The following METTL22 variants were observed in gnomAD, a reference collection of about 807,000 sequenced individuals.
METTL22 encodes the protein methyltransferase-like protein 22.
A neutral mutation model predicts 48.4 loss-of-function variants in METTL22; 51 were observed. The ratio of observed to expected loss-of-function variants is 1.05; its 90% CI spans 0.84 to 1.33. METTL22 has a LOEUF of 1.33. METTL22 is among the 40% of genes most tolerant of loss of function. The pLI, the probability that METTL22 is intolerant of heterozygous loss-of-function variation, is 0.00. For missense variants in METTL22, 678 were observed against 526.9 expected, an observed-to-expected ratio of 1.29 and a Z score of -2.81; for synonymous variants, 255 against 214.1, an observed-to-expected ratio of 1.19 and a Z score of -1.67.
rs1288304715 is a variant in METTL22 at position 8,635,172 on chromosome 16, G to A, written c.560G>A (p.Trp187Ter). ...TCCTTGTCCTCTTCCCTCCAGGTGTGGCGGGGCGCCCTGCTCCTGGCAGAC... is the reference window on the plus strand; with the variant it reads ...TCCTTGTCCTCTTCCCTCCAGGTGTAGCGGGGCGCCCTGCTCCTGGCAGAC... ...TPLEDVGKQVWRGALLLADYI... is the reference protein window; with the variant it reads ...TPLEDVGKQV Residue 187 changes from tryptophan to a stop codon, truncating the protein, a stop_gained, in exon 5 of 11, where the codon TGG (tryptophan) becomes TAG (stop). Coordinates refer to ENST00000381920, the MANE Select transcript of METTL22 (RefSeq NM_024109.4). LOFTEE classifies it high-confidence loss of function. The A allele has an allele frequency of 6.2e-7, 1 of 1,611,794 alleles. No homozygotes were observed. The highest frequency in any genetic ancestry group is 8.5e-7 in the Non-Finnish European group (1 of 1,178,706).
At chr16:8,642,759 G>A (rs2056663901) in intron 9 of METTL22, 194 bp downstream of exon 9, 4 of 630,092 alleles carry the variant, frequency 6.3e-6, no homozygotes, top group African/African-American at 3.6e-5. Flanking sequence ...CTGTGTGCAG[G>A]CGCTGCTGTC....
chr16:8,628,916 C>G lies in METTL22; in HGVS notation c.320C>G (p.Thr107Ser). 5 of 1,614,070 alleles carry G rather than the reference C, an allele frequency of 3.1e-6. No homozygotes were observed. The highest frequency in any genetic ancestry group is 4.2e-6 in the Non-Finnish European group (5 of 1,180,036). ...GFSLQAGTDT[T>S]GQEVAEAQLD... Reference sequence around the variant, plus strand: ...TCCCTCCAGGCCGGGACTGACACCACTGGCCAGGAAGTGGCTGAAGCTCAG... The same window carrying G: ...TCCCTCCAGGCCGGGACTGACACCAGTGGCCAGGAAGTGGCTGAAGCTCAG... Residue 107 changes from threonine (T) to serine (S), a missense_variant, in exon 3 of 11, where the codon ACT (threonine) becomes AGT (serine). Thr to Ser is a moderately conservative substitution (Grantham distance 58). Coordinates refer to ENST00000381920, the MANE Select transcript of METTL22 (RefSeq NM_024109.4).
chr16:8,642,262 T>C lies in METTL22; in HGVS notation c.907+55T>C, dbSNP rs144663731. 2.5e-3 allele frequency: 3,782 copies of C among 1,492,790 alleles called. 95 individuals are homozygous for C. The African/African-American group carries it at 0.046, about 18-fold the overall frequency. 92.5% of individuals were successfully genotyped at this position (1,492,790 alleles called of 1,614,324 possible). A position where few individuals can be genotyped will look rare whatever the true frequency, so the allele number is the denominator to read the frequency against. On this transcript the variant is annotated intron_variant, in intron 8 of 10. Transcript: ENST00000381920. The stretch of plus-strand genomic sequence containing the variant: ...TCCTTTGTTGTAGCATGAAGTCAAG[T>C]GCAGTCTCTCCTCACTTCCCCCGGG...
At chr16:8,631,089 G>C (rs2056244464) in intron 3 of METTL22, among the ~76,000 whole-genome samples, 1 of 152,194 alleles carries the variant, frequency 6.6e-6, no homozygotes, top group South Asian at 2.1e-4. Context: ...GCCAGGAGCA[G>C]GGCCTGGCGC....
the METTL22 span, among the ~76,000 whole-genome samples, chr16:8,661,817 C>A: frequency 1.4e-5 from 2 of 144,400 alleles, no homozygotes; most frequent in Non-Finnish European, 3.0e-5. Context: ...AAGCAATCCT[C>A]CCACTTTGGC....
At chr16:8,653,124 C>T (rs2056922594), downstream of METTL22, among the ~76,000 whole-genome samples, 1 of 152,162 alleles carries the variant, frequency 6.6e-6, no homozygotes, top group African/African-American at 2.4e-5. Context: ...GGGAGGCCTT[C>T]CAGACTGTGC....
At chr16:8,638,287 ATG>A (rs2056485779) in intron 5 of METTL22, among the ~76,000 whole-genome samples, 1 of 152,164 alleles carries the variant, frequency 6.6e-6, no homozygotes, top group Admixed American at 6.5e-5. Flanking sequence ...TGGGGTGCAG[ATG>A]TTAGTCCCAG....
At chr16:8,629,446 A>C (rs556752524) in intron 3 of METTL22, among the ~76,000 whole-genome samples, 1 of 152,138 alleles carries the variant, frequency 6.6e-6, no homozygotes, top group African/African-American at 2.4e-5. Flanking sequence ...GCTGCCTCCC[A>C]CATCTGTGCT....
At chr16:8,622,463 G>T (rs1254697246) in intron 1 of METTL22, among the ~76,000 whole-genome samples, 2 of 152,132 alleles carry the variant, frequency 1.3e-5, no homozygotes, top group Non-Finnish European at 2.9e-5. Flanking sequence ...GCCCTATGGA[G>T]AGGTGGTGGG....
chr16:8,665,698 C>G, the METTL22 span, among the ~76,000 whole-genome samples: 2 of 152,218 alleles, frequency 1.3e-5, no homozygotes, highest in African/African-American at 4.8e-5. Context: ...CTGAGCCCTG[C>G]TGTGTGCCAG....
chr16:8,662,011 A>C, the METTL22 span, among the ~76,000 whole-genome samples: 1 of 145,742 alleles, frequency 6.9e-6, no homozygotes, highest in African/African-American at 2.6e-5. Context: ...TGAGAGACAG[A>C]GGTGGGAAGA....
chr16:8,650,193 A>G (rs2056874098), downstream of METTL22, among the ~76,000 whole-genome samples: 1 of 152,172 alleles, frequency 6.6e-6, no homozygotes, highest in Non-Finnish European at 1.5e-5. Flanking sequence ...CAGGTGTGTC[A>G]TGCACCTGTA....
At chr16:8,658,578 T>A in the METTL22 span, among the ~76,000 whole-genome samples, 1 of 152,206 alleles carries the variant, frequency 6.6e-6, no homozygotes, top group African/African-American at 2.4e-5. Context: ...ATGCCTCATA[T>A]CCTCAGGTGA....
At position 8,649,289 on chromosome 16, in the gene METTL22, G is replaced by T. The variant is rs1287103863; in HGVS notation, c.*3146G>T. Reference sequence around the variant, plus strand: ...TTTTCATTTCCCAGAGTGGGAGCGCGCCCCCATTGCCATGTTTTATGGCCT... The same window carrying T: ...TTTTCATTTCCCAGAGTGGGAGCGCTCCCCCATTGCCATGTTTTATGGCCT... On this transcript the variant is annotated 3_prime_UTR_variant, in exon 11 of 11. Transcript: ENST00000381920. 4 of 152,120 alleles carry T rather than the reference G, an allele frequency of 2.6e-5. No individual in the cohort carries two copies. 9.4% of individuals were successfully genotyped at this position (152,120 alleles called of 1,614,324 possible).
chr16:8,638,254 C>T (rs2056483931), intron 5 of METTL22, among the ~76,000 whole-genome samples: 1 of 152,138 alleles, frequency 6.6e-6, no homozygotes, highest in African/African-American at 2.4e-5. Context: ...GAGCTCCTCC[C>T]GTACATGGCT....
At chr16:8,624,912 C>A (rs886899922) in intron 1 of METTL22, among the ~76,000 whole-genome samples, 1 of 151,790 alleles carries the variant, frequency 6.6e-6, no homozygotes, top group African/African-American at 2.4e-5. Flanking sequence ...AGCTTTATAA[C>A]AACAAATGAT....
At chr16:8,629,594 C>T (rs982471318) in intron 3 of METTL22, among the ~76,000 whole-genome samples, 8 of 152,080 alleles carry the variant, frequency 5.3e-5, no homozygotes, top group African/African-American at 1.9e-4. Context: ...GGGCGTGGAC[C>T]AGTCAGATGG....
intron 6 of METTL22, 28 bp downstream of exon 6, chr16:8,639,190 G>A (rs1245138725): frequency 6.2e-7 from 1 of 1,611,748 alleles, no homozygotes; most frequent in South Asian, 1.1e-5. Context: ...TTCTGCCAGG[G>A]AGGGAGGTTT....
At chr16:8,651,256 G>A (rs1005970990), downstream of METTL22, among the ~76,000 whole-genome samples, 9 of 151,268 alleles carry the variant, frequency 5.9e-5, no homozygotes, top group Admixed American at 2.0e-4. Context: ...GCGTGGTGGC[G>A]GGCACCTGTA....
Sources: allele counts gnomAD v4.1 joint callset (sites outside exome capture counted in the v4.1 genomes callset), GRCh38; gene constraint gnomAD v4.1.1; transcripts MANE v1.5; gene names NCBI Gene and HGNC (gene_info 2026-07-23, HGNC 2026-07-21).